The following TTC7A variants were observed in gnomAD, a reference collection of about 807,000 sequenced individuals.
The protein encoded by TTC7A is tetratricopeptide repeat protein 7A.
Under a neutral mutation model 103.7 loss-of-function variants are expected in TTC7A, and 110 were observed. The ratio of observed to expected loss-of-function variants is 1.06; its 90% CI spans 0.91 to 1.24. TTC7A has a LOEUF of 1.24. Ranked by LOEUF, TTC7A falls within the 50% of genes most tolerant of loss-of-function variation. The pLI is 0.00. For missense variants in TTC7A, 1,340 were observed against 1,116.3 expected, an observed-to-expected ratio of 1.20 and a Z score of -2.86; for synonymous variants, 521 against 467.9, an observed-to-expected ratio of 1.11 and a Z score of -1.47.
chr2:46,928,842 T>TA (rs200507154), intron 2 of TTC7A, among the ~76,000 whole-genome samples: 3,654 of 151,174 alleles, frequency 0.024, 57 homozygotes, highest in South Asian at 0.062. Context: ...ACCAGAGGGG[T>TA]AGGGGGGGAA....
chr2:47,020,168 C>G (rs1427128032), intron 11 of TTC7A, among the ~76,000 whole-genome samples: 1 of 152,138 alleles, frequency 6.6e-6, no homozygotes, highest in African/African-American at 2.4e-5. Flanking sequence ...CGGGGAGGAG[C>G]GGGGGTCCCA....
intron 10 of TTC7A, among the ~76,000 whole-genome samples, chr2:47,010,848 C>G (rs1041911532): frequency 6.6e-6 from 1 of 152,130 alleles, no homozygotes; most frequent in African/African-American, 2.4e-5. Flanking sequence ...TATGGACACA[C>G]GCCTCCACAC....
At chr2:47,061,552 T>G (rs1683782655) in intron 19 of TTC7A, among the ~76,000 whole-genome samples, 1 of 152,168 alleles carries the variant, frequency 6.6e-6, no homozygotes, top group Admixed American at 6.5e-5. Context: ...GGCTCAGGAC[T>G]TGGGTGTCCA....
At chr2:46,972,242 C>G (rs73926320) in intron 3 of TTC7A, among the ~76,000 whole-genome samples, 1 of 150,812 alleles carries the variant, frequency 6.6e-6, no homozygotes, top group Non-Finnish European at 1.5e-5. Context: ...TTTTTCCATA[C>G]AGCATTAATT....
Position 46,995,211 on chromosome 2 carries a change from G to C in TTC7A, c.1065+12G>C. 6.2e-7 allele frequency: 1 copy of C among 1,613,826 alleles called. No individual in the cohort carries two copies. The highest frequency in any genetic ancestry group is 8.5e-7 in the Non-Finnish European group (1 of 1,179,878). On this transcript the variant is annotated intron_variant, in intron 8 of 19. Transcript: ENST00000319190. ...TCAGCGAATCCATGGTAAGCTCCAG[G>C]ATGTCCTTCAGGGGCCTCTGGCCCT...
At chr2:47,009,504 T>C (rs1480587723) in intron 10 of TTC7A, among the ~76,000 whole-genome samples, 1 of 152,134 alleles carries the variant, frequency 6.6e-6, no homozygotes, top group Non-Finnish European at 1.5e-5. Context: ...CAGGGAAATC[T>C]ATCACGTCTG....
chr2:47,045,757 G>C (rs1682246501), intron 15 of TTC7A, among the ~76,000 whole-genome samples: 1 of 152,216 alleles, frequency 6.6e-6, no homozygotes, highest in Non-Finnish European at 1.5e-5. Flanking sequence ...AGGAGGCGTT[G>C]CTTGGGCACC....
intron 2 of TTC7A, among the ~76,000 whole-genome samples, chr2:46,955,596 C>T (rs1402344524): frequency 6.6e-6 from 1 of 152,140 alleles, no homozygotes; most frequent in African/African-American, 2.4e-5. Flanking sequence ...TGAGGAAGCA[C>T]AGGCAAAAGA....
At chr2:46,946,601 G>T (rs1161171697) in intron 1 of TTC7A, among the ~76,000 whole-genome samples, 4 of 151,928 alleles carry the variant, frequency 2.6e-5, no homozygotes, top group African/African-American at 9.7e-5. Context: ...CTTTTTTTGT[G>T]TGTAGCGACA....
chr2:47,000,459 G>T (rs530594736), intron 8 of TTC7A, among the ~76,000 whole-genome samples: 11 of 152,352 alleles, frequency 7.2e-5, no homozygotes, highest in African/African-American at 1.9e-4. Context: ...TCTCTAACCG[G>T]CAGAAAGAGC....
At chr2:47,070,905 A>G (rs1283734350) in intron 19 of TTC7A, among the ~76,000 whole-genome samples, 1 of 152,122 alleles carries the variant, frequency 6.6e-6, no homozygotes, top group Non-Finnish European at 1.5e-5. Context: ...CTCCCAAGGG[A>G]CGGTCAAAAA....
At chr2:47,017,646 A>G (rs1167422441) in intron 11 of TTC7A, among the ~76,000 whole-genome samples, 1 of 152,194 alleles carries the variant, frequency 6.6e-6, no homozygotes, top group African/African-American at 2.4e-5. Flanking sequence ...TGGATAGGGG[A>G]TGGAAAGCTC....
chr2:46,966,899 T>TG (rs1446028228), intron 3 of TTC7A, among the ~76,000 whole-genome samples: 1 of 78,832 alleles, frequency 1.3e-5, no homozygotes, highest in South Asian at 3.9e-4. Flanking sequence ...CTGTGTTTTT[T>TG]GTTTTTTTTT....
In TTC7A at chr2:46,994,076, A is replaced by AGGG. The variant is rs201463096; in HGVS notation, c.844-279_844-277dup. 1.1e-3 allele frequency among the ~76,000 whole-genome samples: 167 copies of AGGG among 152,078 alleles called. 2 individuals carry two copies. In the East Asian group the frequency reaches 0.014, roughly 13 times the overall value. On this transcript the variant is annotated intron_variant, in intron 6 of 19. Transcript: ENST00000319190. ...ATACTCAGAGTGGGGCTGGGCTCCA[A>AGGG]GGGGTCAGGAGAGGGAGGAAATGCT... is the stretch of plus-strand genomic sequence containing the variant.
chr2:47,048,552 G>A (rs1021636568), intron 16 of TTC7A, among the ~76,000 whole-genome samples: 4 of 152,244 alleles, frequency 2.6e-5, no homozygotes, highest in Admixed American at 6.5e-5. Context: ...TCACAAAGCT[G>A]AGAAAGGTGG....
chr2:46,921,345 T>A (rs1296451556), intron 2 of TTC7A, among the ~76,000 whole-genome samples: 1 of 152,244 alleles, frequency 6.6e-6, no homozygotes, highest in Non-Finnish European at 1.5e-5. Context: ...ATTAATGGTA[T>A]GTCTATATAT....
At chr2:47,038,127 C>T (rs575438770) in intron 15 of TTC7A, among the ~76,000 whole-genome samples, 34 of 151,980 alleles carry the variant, frequency 2.2e-4, no homozygotes, top group Non-Finnish European at 4.3e-4. Context: ...GGCGTGGTGG[C>T]GCATGCCTGT....
At chr2:47,050,981 G>T (rs779614419) in intron 17 of TTC7A, among the ~76,000 whole-genome samples, 8 of 152,202 alleles carry the variant, frequency 5.3e-5, no homozygotes, top group Middle Eastern at 3.2e-3. Context: ...CACCTGCATG[G>T]GAATTATAAA....
chr2:47,009,083 A>C (rs1049854862), intron 10 of TTC7A, among the ~76,000 whole-genome samples: 2 of 152,088 alleles, frequency 1.3e-5, no homozygotes, highest in Non-Finnish European at 2.9e-5. Flanking sequence ...GCCGAGGAGA[A>C]GCCTGAGGCT....
Sources: allele counts gnomAD v4.1 joint callset (sites outside exome capture counted in the v4.1 genomes callset), GRCh38; gene constraint gnomAD v4.1.1; transcripts MANE v1.5; gene names NCBI Gene and HGNC (gene_info 2026-07-23, HGNC 2026-07-21).